The following DGKI variants were observed in gnomAD, a reference collection of about 807,000 sequenced individuals.
DGKI encodes the protein diacylglycerol kinase iota, also known as DAG kinase iota.
DGKI carries 55 observed loss-of-function variants against 147.5 expected under a neutral mutation model. The ratio of observed to expected loss-of-function variants is 0.37; its 90% CI spans 0.30 to 0.47. The LOEUF (loss-of-function observed/expected upper bound fraction) is 0.47, where lower values mean the gene tolerates loss of function less well. Ranked by LOEUF, DGKI falls within the 20% of genes least tolerant of loss-of-function variation. The pLI is 1.00. For synonymous variants in DGKI, 469 were observed against 477.1 expected, an observed-to-expected ratio of 0.98 and a Z score of 0.22; for missense variants, 1,007 against 1,323.8, an observed-to-expected ratio of 0.76 and a Z score of 3.71.
intron 1 of DGKI, among the ~76,000 whole-genome samples, chr7:137,797,513 T>C (rs529434402): frequency 4.9e-4 from 75 of 152,272 alleles, no homozygotes; most frequent in African/African-American, 1.7e-3. Context: ...AAAGAGGTCA[T>C]TGATATGACA....
At chr7:137,725,701 C>T (rs1402378811) in intron 1 of DGKI, among the ~76,000 whole-genome samples, 1 of 151,972 alleles carries the variant, frequency 6.6e-6, no homozygotes, top group East Asian at 1.9e-4. Context: ...AGGTGACTTT[C>T]CATTCTTTTC....
intron 1 of DGKI, among the ~76,000 whole-genome samples, chr7:137,732,095 G>T (rs1794902189): frequency 6.6e-6 from 1 of 151,972 alleles, no homozygotes. Context: ...TGCCTATGTG[G>T]CAATAGCTAT....
At chr7:137,579,514 T>G (rs1039506358) in intron 15 of DGKI, among the ~76,000 whole-genome samples, 1 of 151,968 alleles carries the variant, frequency 6.6e-6, no homozygotes, top group Non-Finnish European at 1.5e-5. Context: ...TTTAATTTAC[T>G]ATTTAAAAAA....
intron 23 of DGKI, among the ~76,000 whole-genome samples, chr7:137,480,030 T>C (rs1000465406): frequency 6.6e-6 from 1 of 152,098 alleles, no homozygotes; most frequent in Admixed American, 6.6e-5. Flanking sequence ...TCAACCCAGA[T>C]TTCGAAGATG....
chr7:137,528,890 G>A (rs900499297), intron 20 of DGKI, among the ~76,000 whole-genome samples: 1 of 151,990 alleles, frequency 6.6e-6, no homozygotes, highest in Non-Finnish European at 1.5e-5. Context: ...CTATTTATTA[G>A]CCCATCTACC....
rs1811050995 is a variant in DGKI at position 137,381,197 on chromosome 7, A to G, written c.*10023T>C. The G allele has an allele frequency of 6.6e-6, 1 of 152,040 alleles. No individual in the cohort carries two copies. Among genetic ancestry groups the G allele is most frequent in the South Asian group, 2.1e-4 (1 of 4,830 alleles). The allele number at this position is 152,040 out of a possible 1,614,324, so 9.4% of individuals were successfully genotyped here. A position where few individuals can be genotyped will look rare whatever the true frequency, so the allele number is the denominator to read the frequency against. On this transcript the variant is annotated 3_prime_UTR_variant, in exon 33 of 33. Coordinates refer to ENST00000614521, the MANE Select transcript of DGKI (RefSeq NM_001321708.2). ...TCTGTAGTGCAACACAGTGATCAAG[A>G]TACTTTATATAAATAGGAAATGCAA... is the stretch of plus-strand genomic sequence containing the variant.
At chr7:137,746,983 G>C (rs910170523) in intron 1 of DGKI, among the ~76,000 whole-genome samples, 1 of 152,138 alleles carries the variant, frequency 6.6e-6, no homozygotes, top group African/African-American at 2.4e-5. Flanking sequence ...AAATACCCAG[G>C]AGTCAGGACC....
intron 19 of DGKI, among the ~76,000 whole-genome samples, chr7:137,557,836 C>T (rs530162846): frequency 4.9e-4 from 75 of 152,314 alleles, no homozygotes; most frequent in Non-Finnish European, 8.5e-4. Context: ...TGCCCATCAA[C>T]AGGCCTCTCA....
chr7:137,792,526 T>C (rs1796886891), intron 1 of DGKI, among the ~76,000 whole-genome samples: 2 of 152,226 alleles, frequency 1.3e-5, no homozygotes, highest in South Asian at 4.1e-4. Context: ...CAATAGCTTA[T>C]CACTAACATT....
At chr7:137,825,213 T>C (rs1798020165) in intron 1 of DGKI, among the ~76,000 whole-genome samples, 1 of 152,244 alleles carries the variant, frequency 6.6e-6, no homozygotes, top group Non-Finnish European at 1.5e-5. Flanking sequence ...AAATATTATA[T>C]TTAACAACGA....
intron 20 of DGKI, among the ~76,000 whole-genome samples, chr7:137,526,950 C>T (rs557527436): frequency 5.2e-4 from 79 of 152,206 alleles, no homozygotes; most frequent in Non-Finnish European, 8.7e-4. Context: ...TTTGGTTCTC[C>T]AGGGTCACTT....
At position 137,846,494 on chromosome 7, in the gene DGKI, C is replaced by T; in HGVS notation, c.369G>A (p.Arg123=). ...AGACCTGCTTCCGGAAAGTTAAGTTCCTCAGCTTCTCCTCCAGCGCTTCGT... is the reference window on the plus strand; with the variant it reads ...AGACCTGCTTCCGGAAAGTTAAGTTTCTCAGCTTCTCCTCCAGCGCTTCGT... ...EKDEALEEKL[R]NLTFRKQVSY... The change falls in exon 1 of 33, where the codon AGG becomes AGA. Residue 123 remains arginine (R), a synonymous_variant. Coordinates refer to ENST00000614521, the MANE Select transcript of DGKI (RefSeq NM_001321708.2). This position sits in a 1 kb window ranked among gnomAD's most constrained non-coding sequence, Gnocchi z 4.0. The T allele has an allele frequency of 6.3e-7, 1 of 1,592,144 alleles. No individual in the cohort carries two copies. Among genetic ancestry groups the T allele is most frequent in the Non-Finnish European group, 8.5e-7 (1 of 1,171,386 alleles).
intron 8 of DGKI, among the ~76,000 whole-genome samples, chr7:137,616,852 G>T (rs1297530153): frequency 2.0e-5 from 3 of 152,032 alleles, no homozygotes; most frequent in Non-Finnish European, 4.4e-5. Context: ...TCATGTATTT[G>T]TTGGGATGAA....
At chr7:137,840,039 T>G (rs998235155) in intron 1 of DGKI, among the ~76,000 whole-genome samples, 10 of 152,236 alleles carry the variant, frequency 6.6e-5, no homozygotes, top group Non-Finnish European at 1.5e-5. Context: ...CTCCTTCAGC[T>G]AATATGCACA....
chr7:137,789,310 AAAAAT>A (rs1188784341), intron 1 of DGKI, among the ~76,000 whole-genome samples: 1 of 152,206 alleles, frequency 6.6e-6, no homozygotes, highest in Non-Finnish European at 1.5e-5. Flanking sequence ...TTTTTTTAAA[AAAAAT>A]AAAATAAAAA....
intron 1 of DGKI, among the ~76,000 whole-genome samples, chr7:137,734,512 TG>T (rs1159055169): frequency 6.6e-6 from 1 of 152,030 alleles, no homozygotes; most frequent in Non-Finnish European, 1.5e-5. Context: ...GTGCTTCCAC[TG>T]GGGAGAACCA....
At chr7:137,839,535 T>C (rs1382173643) in intron 1 of DGKI, among the ~76,000 whole-genome samples, 2 of 152,176 alleles carry the variant, frequency 1.3e-5, no homozygotes, top group South Asian at 2.1e-4. Flanking sequence ...ACAGGATGAG[T>C]ACTACTATCA....
At chr7:137,758,625 G>T (rs1585453159) in intron 1 of DGKI, among the ~76,000 whole-genome samples, 1 of 152,220 alleles carries the variant, frequency 6.6e-6, no homozygotes, top group East Asian at 1.9e-4. Flanking sequence ...AGCAGAGGTT[G>T]CAGTGAGCCA....
At chr7:137,534,654 T>C (rs1817457530) in intron 20 of DGKI, among the ~76,000 whole-genome samples, 1 of 151,936 alleles carries the variant, frequency 6.6e-6, no homozygotes, top group African/African-American at 2.4e-5. Context: ...TACCCTTTAA[T>C]AAAAAAATAT....
Sources: gnomAD v4.1 joint callset for allele counts (sites outside exome capture counted in the v4.1 genomes callset) on GRCh38, gnomAD v4.1.1 for gene constraint, Gnocchi (gnomAD v3.1) non-coding constraint, MANE v1.5 for transcripts, NCBI Gene and HGNC (gene_info 2026-07-23, HGNC 2026-07-21) for gene names.